ZNF384: variants seen among roughly 807,000 people sequenced by gnomAD.
ZNF384 encodes the protein zinc finger protein 384.
In ZNF384, 20 loss-of-function variants were observed where a neutral mutation model predicts 65.0. The ratio of observed to expected loss-of-function variants is 0.31; its 90% confidence interval spans 0.22 to 0.45. The LOEUF is 0.45. Among genes scored for constraint, ZNF384 ranks in the 20% least tolerant of loss-of-function variants. The pLI is 1.00. For synonymous variants in ZNF384, 310 were observed against 303.9 expected (o/e 1.02, Z -0.21); for missense variants, 549 against 769.4 (o/e 0.71, Z 3.39).
Position 6,672,403 on chromosome 12 carries a change from A to G in ZNF384, c.1134T>C (p.Cys378=), listed in dbSNP as rs1162661206. Residue 378 remains cysteine (C), a synonymous_variant, in exon 9 of 12, where the codon TGT becomes TGC. Coordinates refer to ENST00000683879, the MANE Select transcript of ZNF384 (RefSeq NM_001385745.1). The surrounding 1 kb of genome is among the most constrained non-coding windows in gnomAD (Gnocchi z 4.4). ...RIHSGAKPYN[C]SYCQKAFRQL... ...GGCGGAAGGCCTTCTGGCAGTAGGAACAGTTGTAGGGCTTGGCCCCCGAGT... is the reference window on the plus strand; with the variant it reads ...GGCGGAAGGCCTTCTGGCAGTAGGAGCAGTTGTAGGGCTTGGCCCCCGAGT... 6.2e-7 allele frequency: 1 copy of G among 1,614,034 alleles called. No homozygotes were observed. The highest frequency in any genetic ancestry group is 2.2e-5 in the East Asian group (1 of 44,902).
At position 6,678,611 on chromosome 12, in the gene ZNF384, A is replaced by G; in HGVS notation, c.352+52T>C. ...AGGAAATCCCAAACCCTGTAGAAAAATAATGGTCTCCTAACCCTTGTCCCC... is the reference window on the plus strand; with the variant it reads ...AGGAAATCCCAAACCCTGTAGAAAAGTAATGGTCTCCTAACCCTTGTCCCC... On this transcript the variant is annotated intron_variant, in intron 5 of 11. Coordinates refer to ENST00000683879, the MANE Select transcript of ZNF384 (RefSeq NM_001385745.1). The surrounding 1 kb of genome is among the most constrained non-coding windows in gnomAD (Gnocchi z 4.9). The G allele has an allele frequency of 6.3e-7, 1 of 1,599,140 alleles. No individual in the cohort carries two copies. Among genetic ancestry groups the G allele is most frequent in the African/African-American group, 1.3e-5 (1 of 74,098 alleles).
At chr12:6,680,930 C>T (rs1000399243) in intron 2 of ZNF384, among the ~76,000 whole-genome samples, 1 of 151,966 alleles carries the variant, frequency 6.6e-6, no homozygotes, top group African/African-American at 2.4e-5. Context: ...AAAAACTGTG[C>T]TTCCGGCTGG....
At chr12:6,677,094 G>T (rs369870711) in intron 7 of ZNF384, 73 bp downstream of exon 7, 3 of 405,330 alleles carry the variant, frequency 7.4e-6, no homozygotes, top group African/African-American at 6.3e-5. Flanking sequence ...CCCAACAAAC[G>T]GGAGGCATAA....
intron 10 of ZNF384, 62 bp from the exon 11 acceptor site, chr12:6,669,251 C>G (rs1156419671): frequency 1.1e-5 from 16 of 1,507,928 alleles, no homozygotes; most frequent in Non-Finnish European, 1.4e-5. Context: ...CCCCCTTGAC[C>G]TCGATGGAAA....
rs886175578 is a variant in ZNF384, at chr12:6,687,641, G to GT, written c.-6+525dup. 4.7e-4 allele frequency among the ~76,000 whole-genome samples: 70 copies of GT among 149,480 alleles called. No homozygotes were observed. In the East Asian group the frequency reaches 6.8e-3, roughly 15 times the overall value. ...TTCACTCCAGACTAACCATGAAGCA[G>GT]TTTTTTTTTTCCCCTGAAAATTTCA... On this transcript the variant is annotated intron_variant, in intron 2 of 11. Transcript: ENST00000683879.
intron 2 of ZNF384, among the ~76,000 whole-genome samples, chr12:6,685,988 A>C (rs558591625): frequency 6.6e-6 from 1 of 152,298 alleles, no homozygotes; most frequent in Non-Finnish European, 1.5e-5. Flanking sequence ...AGCTTTGTCT[A>C]TCTGACCACA....
chr12:6,680,434 A>AC (rs1955493163), intron 2 of ZNF384, among the ~76,000 whole-genome samples: 1 of 152,058 alleles, frequency 6.6e-6, no homozygotes, highest in Non-Finnish European at 1.5e-5. Flanking sequence ...GGATCATTTG[A>AC]CCTCAGAAGT....
chr12:6,682,635 G>A (rs542099958), intron 2 of ZNF384, among the ~76,000 whole-genome samples: 4 of 152,258 alleles, frequency 2.6e-5, no homozygotes, highest in Admixed American at 2.0e-4. Flanking sequence ...GAGAAACCCT[G>A]TCTCAAAAAC....
Position 6,672,486 on chromosome 12 carries a change from G to T in ZNF384, c.1051C>A (p.Pro351Thr). The T allele has an allele frequency of 6.2e-7, 1 of 1,614,192 alleles. No individual in the cohort carries two copies. ...HTETIKPHKC[P>T]HCSKTFANTS... ...TTGGCGAAGGTCTTGGAGCAGTGCGGGCACTTGTGGGGCTTGATGGTCTCC... is the reference window on the plus strand; with the variant it reads ...TTGGCGAAGGTCTTGGAGCAGTGCGTGCACTTGTGGGGCTTGATGGTCTCC... The change falls in exon 9 of 12, where the codon CCG (proline) becomes ACG (threonine). Residue 351 changes from proline (P) to threonine (T), a missense_variant. Pro to Thr is a conservative substitution (Grantham distance 38, BLOSUM62 -1). Transcript: ENST00000683879. This position sits in a 1 kb window ranked among gnomAD's most constrained non-coding sequence, Gnocchi z 4.4.
chr12:6,676,208 G>A (rs536711170), intron 7 of ZNF384, among the ~76,000 whole-genome samples: 5 of 152,154 alleles, frequency 3.3e-5, no homozygotes, highest in Admixed American at 6.5e-5. Context: ...GCTGAGGCAC[G>A]AGAATCGCTT....
chr12:6,678,083 G>A lies in ZNF384; in HGVS notation c.686+44C>T. ...ATGAGGGTACAGGGAGAATCACCAA[G>A]CCAGGGATCCTCGCCCCATCCTGCC... On this transcript the variant is annotated intron_variant, in intron 6 of 11. Coordinates refer to ENST00000683879, the MANE Select transcript of ZNF384 (RefSeq NM_001385745.1). The surrounding 1 kb of genome is among the most constrained non-coding windows in gnomAD (Gnocchi z 4.9). 1 of 1,552,632 alleles carries A rather than the reference G, an allele frequency of 6.4e-7. No homozygotes were observed. The highest frequency in any genetic ancestry group is 8.8e-7 in the Non-Finnish European group (1 of 1,136,910).
rs775175519 is a variant in ZNF384, at chr12:6,678,758, G to C, written c.305-48C>G. 1.3e-6 allele frequency: 2 copies of C among 1,597,350 alleles called. No individual in the cohort carries two copies. Among genetic ancestry groups the C allele is most frequent in the South Asian group, 2.2e-5 (2 of 90,628 alleles). On this transcript the variant is annotated intron_variant, in intron 4 of 11. Transcript: ENST00000683879. The surrounding 1 kb of genome is among the most constrained non-coding windows in gnomAD (Gnocchi z 4.9). ...TGTCACCTCCTCAAAGGCAGGGACCGCATCTTCTACTTCTTTGTATCCCCC... is the reference window on the plus strand; with the variant it reads ...TGTCACCTCCTCAAAGGCAGGGACCCCATCTTCTACTTCTTTGTATCCCCC...
At chr12:6,684,811 T>C (rs755815993) in intron 2 of ZNF384, among the ~76,000 whole-genome samples, 1 of 152,186 alleles carries the variant, frequency 6.6e-6, no homozygotes, top group South Asian at 2.1e-4. Context: ...ATCAAAACTA[T>C]TGCTAGAATA....
intron 2 of ZNF384, among the ~76,000 whole-genome samples, chr12:6,685,551 C>A (rs1357380938): frequency 6.6e-6 from 1 of 151,878 alleles, no homozygotes; most frequent in African/African-American, 2.4e-5. Context: ...GGCAGGTGGA[C>A]TGCCTGAGCT....
Position 6,679,154 on chromosome 12 carries a change from C to A in ZNF384, c.96G>T (p.Met32Ile). ...QIENTMFINKMKDQLLPEKGC... is the reference protein window; with the variant it reads ...QIENTMFINKIKDQLLPEKGC... Reference sequence around the variant, plus strand: ...CCTTCTCTGGCAACAGCTGATCCTTCATCTTGTTGATGAACATTGTGTTCT... The same window carrying A: ...CCTTCTCTGGCAACAGCTGATCCTTAATCTTGTTGATGAACATTGTGTTCT... The change falls in exon 4 of 12, where the codon ATG (methionine) becomes ATT (isoleucine). Residue 32 changes from methionine to isoleucine, a missense_variant. Transcript: ENST00000683879. The A allele has an allele frequency of 6.3e-7, 1 of 1,596,236 alleles. No homozygotes were observed. Among genetic ancestry groups the A allele is most frequent in the Non-Finnish European group, 8.6e-7 (1 of 1,169,428 alleles).
intron 2 of ZNF384, among the ~76,000 whole-genome samples, chr12:6,684,315 T>G (rs1210568764): frequency 1.3e-5 from 2 of 151,904 alleles, no homozygotes; most frequent in East Asian, 3.8e-4. Context: ...TGTTATGGCT[T>G]GATCCAGGAA....
chr12:6,683,622 A>G (rs2137239696), intron 2 of ZNF384, among the ~76,000 whole-genome samples: 1 of 147,742 alleles, frequency 6.8e-6, no homozygotes, highest in East Asian at 2.0e-4. Flanking sequence ...AGATTGCACC[A>G]CCACAGTCCA....
chr12:6,688,964 ACCACTT>A (rs1958987657), intron 1 of ZNF384, 128 bp downstream of exon 1: 1 of 151,042 alleles, frequency 6.6e-6, no homozygotes, highest in South Asian at 2.1e-4. Flanking sequence ...CTCCTCCACA[ACCACTT>A]CCGGTTCCGG....
Position 6,669,079 on chromosome 12 carries a change from C to T in ZNF384, c.1377G>A (p.Lys459=), listed in dbSNP as rs1263466922. ...TAGTGCAGGTGTACACCTTGGCATG[C>T]TTCACTGTGTGCGTAGACAGGTGCA... is the stretch of plus-strand genomic sequence containing the variant. The part of the protein sequence containing the change: ...LEVHLSTHTV[K]HAKVYTCTIC... Residue 459 remains lysine (K), a synonymous_variant, in exon 11 of 12, where the codon AAG becomes AAA. Coordinates refer to ENST00000683879, the MANE Select transcript of ZNF384 (RefSeq NM_001385745.1). 2 of 1,613,952 alleles carry T rather than the reference C, an allele frequency of 1.2e-6. No homozygotes were observed. Among genetic ancestry groups the T allele is most frequent in the South Asian group, 2.2e-5 (2 of 91,032 alleles).
Sources: gnomAD v4.1 joint callset for allele counts (sites outside exome capture counted in the v4.1 genomes callset) on GRCh38, gnomAD v4.1.1 for gene constraint, Gnocchi (gnomAD v3.1) non-coding constraint, MANE v1.5 for transcripts, NCBI Gene and HGNC (gene_info 2026-07-23, HGNC 2026-07-21) for gene names.